Variants in PDE4B observed in about 807,000 individuals in gnomAD.
PDE4B encodes the protein phosphodiesterase 4B, also known as 3',5'-cyclic-AMP phosphodiesterase 4B.
PDE4B carries 20 observed loss-of-function variants against 82.2 expected under a neutral mutation model. That is an observed-to-expected ratio of 0.24 (90% CI 0.17 to 0.35). The LOEUF is 0.35. Among genes scored for constraint, PDE4B ranks in the 10% least tolerant of loss-of-function variants. The probability of loss-of-function intolerance (pLI) is 1.00; values close to 1 mark genes in which losing one functional copy is unlikely to be tolerated. For missense variants in PDE4B, 655 were observed against 907.2 expected (o/e 0.72, Z 3.57); for synonymous variants, 320 against 318.9 (o/e 1.00, Z -0.04).
rs750583253 is a variant in PDE4B, at chr1:66,367,786, G to A, written c.1475G>A (p.Cys492Tyr). ...TTCAAACTGCTGCAAGAAGAACACT[G>A]TGACATCTTCATGAATCTCACCAAG... is the stretch of plus-strand genomic sequence containing the variant. ...VGFKLLQEEH[C>Y]DIFMNLTKKQ... The change falls in exon 14 of 17, where the codon TGT (cysteine) becomes TAT (tyrosine). Residue 492 changes from cysteine to tyrosine, a missense_variant. Physicochemically the swap from Cys to Tyr is radical, Grantham distance 194. Transcript: ENST00000341517. The A allele has an allele frequency of 1.2e-6, 2 of 1,613,814 alleles. No homozygotes were observed. Among genetic ancestry groups the A allele is most frequent in the Non-Finnish European group, 1.7e-6 (2 of 1,179,796 alleles).
At chr1:65,950,364 A>G (rs777164472) in intron 3 of PDE4B, among the ~76,000 whole-genome samples, 17 of 152,070 alleles carry the variant, frequency 1.1e-4, no homozygotes, top group Non-Finnish European at 2.5e-4. Context: ...ATTATCATCC[A>G]GCTGGAAAAT....
intron 7 of PDE4B, among the ~76,000 whole-genome samples, chr1:66,300,535 T>A (rs1307126699): frequency 6.6e-6 from 1 of 152,156 alleles, no homozygotes; most frequent in African/African-American, 2.4e-5. Context: ...CTTACATAGC[T>A]GATAATAGAG....
chr1:66,311,897 G>A (rs1658698229), intron 7 of PDE4B, among the ~76,000 whole-genome samples: 1 of 152,170 alleles, frequency 6.6e-6, no homozygotes, highest in Admixed American at 6.5e-5. Context: ...TCTGAGCACC[G>A]CATATAGGGA....
At chr1:66,350,345 T>G (rs545298709) in intron 8 of PDE4B, among the ~76,000 whole-genome samples, 1 of 152,210 alleles carries the variant, frequency 6.6e-6, no homozygotes, top group South Asian at 2.1e-4. Context: ...CAAGAGTAAC[T>G]AACTGCTGGG....
intron 3 of PDE4B, among the ~76,000 whole-genome samples, chr1:66,151,909 C>T (rs1287933300): frequency 6.6e-6 from 1 of 152,164 alleles, no homozygotes; most frequent in Non-Finnish European, 1.5e-5. Flanking sequence ...TATTGTACTT[C>T]TCTATGTTTC....
chr1:66,062,789 C>T (rs1234309154), intron 3 of PDE4B: 4 of 152,036 alleles, frequency 2.6e-5, no homozygotes, highest in African/African-American at 9.7e-5. Flanking sequence ...CTTTCAGTAT[C>T]TGTATTGCAT....
At chr1:65,871,584 G>T (rs1253850227) in intron 1 of PDE4B, among the ~76,000 whole-genome samples, 1 of 152,166 alleles carries the variant, frequency 6.6e-6, no homozygotes, top group Non-Finnish European at 1.5e-5. Context: ...TAGCTAATTA[G>T]AATTTGTACT....
At chr1:66,247,852 AG>A (rs1170933470) in intron 4 of PDE4B, among the ~76,000 whole-genome samples, 198 bp downstream of exon 4, 12 of 152,372 alleles carry the variant, frequency 7.9e-5, no homozygotes, top group African/African-American at 2.6e-4. Flanking sequence ...GGGGTCTCCA[AG>A]GGTTTTGGAA....
chr1:65,824,442 G>C (rs7553999), intron 1 of PDE4B, among the ~76,000 whole-genome samples: 106,214 of 151,694 alleles, frequency 0.7, 38,613 homozygotes, highest in Non-Finnish European at 0.81. Context: ...ATTAAATCTG[G>C]TGAATAAAAT....
intron 3 of PDE4B, among the ~76,000 whole-genome samples, chr1:65,974,623 G>T (rs1359464750): frequency 1.3e-5 from 2 of 152,184 alleles, no homozygotes; most frequent in African/African-American, 2.4e-5. Context: ...TTGGAGGAGG[G>T]ATCTGGTGGG....
At chr1:65,981,463 G>T (rs1650682542) in intron 3 of PDE4B, among the ~76,000 whole-genome samples, 2 of 151,690 alleles carry the variant, frequency 1.3e-5, no homozygotes, top group Non-Finnish European at 1.5e-5. Flanking sequence ...CTAGTTTCAG[G>T]ATACAACTTA....
At chr1:65,931,927 G>A (rs924881318) in intron 3 of PDE4B, among the ~76,000 whole-genome samples, 1 of 152,174 alleles carries the variant, frequency 6.6e-6, no homozygotes, top group Non-Finnish European at 1.5e-5. Flanking sequence ...AGCCATCCAG[G>A]GGCTGGTAAG....
chr1:65,926,067 C>T (rs1183533397), intron 3 of PDE4B, among the ~76,000 whole-genome samples: 3 of 152,098 alleles, frequency 2.0e-5, no homozygotes, highest in East Asian at 1.9e-4. Flanking sequence ...AATGCCTCAC[C>T]CTGGCATGGC....
At chr1:66,009,379 T>G (rs1652341322) in intron 3 of PDE4B, among the ~76,000 whole-genome samples, 1 of 152,196 alleles carries the variant, frequency 6.6e-6, no homozygotes, top group African/African-American at 2.4e-5. Flanking sequence ...CTCCCTTCTT[T>G]CATTCTTTCC....
intron 1 of PDE4B, among the ~76,000 whole-genome samples, chr1:65,894,847 A>G (rs1646891890): frequency 6.6e-6 from 1 of 152,176 alleles, no homozygotes; most frequent in Non-Finnish European, 1.5e-5. Context: ...AGTGGGTAAA[A>G]TGAACAAAAA....
chr1:66,079,166 T>TTCTCTCTGTC (rs1656590983), intron 3 of PDE4B, among the ~76,000 whole-genome samples: 1 of 142,210 alleles, frequency 7.0e-6, no homozygotes, highest in African/African-American at 2.7e-5. Context: ...CCTGCTTCTT[T>TTCTCTCTGTC]TCTCTCTCTC....
intron 3 of PDE4B, among the ~76,000 whole-genome samples, chr1:66,138,649 A>C (rs1326056666): frequency 8.5e-5 from 13 of 152,254 alleles, no homozygotes; most frequent in Non-Finnish European, 2.9e-5. Context: ...GGATTAATAC[A>C]TTTTGTTAAT....
intron 3 of PDE4B, among the ~76,000 whole-genome samples, chr1:66,008,913 C>T (rs1258383821): frequency 6.6e-6 from 1 of 151,992 alleles, no homozygotes. Context: ...TCATTTTTGT[C>T]CTATAATAAC....
At chr1:66,278,827 CGTGTGTGTGTGTGTATGTGTGTTT>C (rs143124694) in intron 7 of PDE4B, among the ~76,000 whole-genome samples, 1 of 151,234 alleles carries the variant, frequency 6.6e-6, no homozygotes, top group Admixed American at 6.6e-5. Context: ...AGTTCTGTGC[CGTGTGTGTGTGTGTATGTGTGTTT>C]GTGTGTGTGT....
Sources: allele counts gnomAD v4.1 joint callset (sites outside exome capture counted in the v4.1 genomes callset), GRCh38; gene constraint gnomAD v4.1.1; transcripts MANE v1.5; gene names NCBI Gene and HGNC (gene_info 2026-07-23, HGNC 2026-07-21).